The following PTPRD variants were observed in gnomAD, a reference collection of about 807,000 sequenced individuals.
PTPRD encodes the protein receptor-type tyrosine-protein phosphatase delta.
In PTPRD, 34 loss-of-function variants were observed where a neutral mutation model predicts 214.5. The observed-to-expected ratio is 0.16, with a 90% CI of 0.12 to 0.21. The LOEUF (loss-of-function observed/expected upper bound fraction) is 0.21. Ranked by LOEUF, PTPRD falls within the 10% of genes least tolerant of loss-of-function variation. PTPRD has a pLI of 1.00. For synonymous variants in PTPRD, 1,128 were observed against 845.7 expected, an observed-to-expected ratio of 1.33 and a Z score of -5.79; for missense variants, 2,545 against 2,398.7, an observed-to-expected ratio of 1.06 and a Z score of -1.27.
chr9:10,330,295 G>C (rs1464861796), intron 3 of PTPRD, among the ~76,000 whole-genome samples: 1 of 151,616 alleles, frequency 6.6e-6, no homozygotes, highest in African/African-American at 2.4e-5. Context: ...TGCTGTTAGA[G>C]GAAAAATAAT....
chr9:9,179,581 C>T (rs990760285), intron 10 of PTPRD, among the ~76,000 whole-genome samples: 1 of 152,078 alleles, frequency 6.6e-6, no homozygotes, highest in Non-Finnish European at 1.5e-5. Context: ...ATTGATTAAG[C>T]ATCTATGGTT....
In PTPRD at chr9:9,820,952, C is replaced by T. The variant is rs186167608; in HGVS notation, c.-367-54101G>A. On this transcript the variant is annotated intron_variant, in intron 5 of 45. Coordinates refer to ENST00000381196, the MANE Select transcript of PTPRD (RefSeq NM_002839.4). ...TCCTTGTTCTTTTTGTTCAGGATTG[C>T]TTTGGCTATTTTTTGGTTCCATATG... Among the ~76,000 whole-genome samples the T allele has an allele frequency of 4.6e-5, 7 of 151,728 alleles. No homozygotes were observed. In the East Asian group the frequency reaches 1.4e-3, roughly 29 times the overall value.
chr9:9,387,762 A>G (rs1226087212), intron 9 of PTPRD, among the ~76,000 whole-genome samples: 1 of 152,020 alleles, frequency 6.6e-6, no homozygotes, highest in Non-Finnish European at 1.5e-5. Context: ...TCAGCTCCCC[A>G]CTGCTCAATC....
At chr9:8,934,588 C>G (rs972328284) in intron 11 of PTPRD, among the ~76,000 whole-genome samples, 1 of 139,366 alleles carries the variant, frequency 7.2e-6, no homozygotes, top group Non-Finnish European at 1.5e-5. Context: ...CAGCATCAAG[C>G]TAATTAATAT....
chr9:9,756,698 C>T (rs1462026664), intron 6 of PTPRD, among the ~76,000 whole-genome samples: 2 of 152,088 alleles, frequency 1.3e-5, no homozygotes, highest in African/African-American at 4.8e-5. Flanking sequence ...CTGCATTGTT[C>T]ACTTTAACAT....
At chr9:8,985,309 A>G (rs2099335500) in intron 11 of PTPRD, among the ~76,000 whole-genome samples, 1 of 152,084 alleles carries the variant, frequency 6.6e-6, no homozygotes, top group Admixed American at 6.6e-5. Flanking sequence ...TTTATTCAAT[A>G]TAAAAATTTT....
intron 5 of PTPRD, among the ~76,000 whole-genome samples, chr9:9,855,878 T>G (rs1159107551): frequency 6.6e-6 from 1 of 152,194 alleles, no homozygotes; most frequent in Non-Finnish European, 1.5e-5. Context: ...AGCAGCTCAG[T>G]GGGTCATCTG....
At chr9:9,317,999 G>A (rs769503987) in intron 9 of PTPRD, among the ~76,000 whole-genome samples, 11 of 151,862 alleles carry the variant, frequency 7.2e-5, no homozygotes, top group South Asian at 2.1e-4. Context: ...TGGAGAAACC[G>A]TGTCTCTACT....
rs2154431843 is a variant in PTPRD, at chr9:9,091,361, A to T, written c.-142-72626T>A. The T allele has an allele frequency of 5.7e-6, 4 of 704,890 alleles. No homozygotes were observed. The East Asian group carries it at 1.1e-4, about 19-fold the overall frequency. The allele number at this position is 704,890 out of a possible 1,614,324, so 43.7% of individuals were successfully genotyped here. A position where few individuals can be genotyped will look rare whatever the true frequency, so the allele number is the denominator to read the frequency against. ...GCTGCGTATTTTTCTGGAACTGTACATTTCTGTAAATCTCCAATCACCTTA... is the reference window on the plus strand; with the variant it reads ...GCTGCGTATTTTTCTGGAACTGTACTTTTCTGTAAATCTCCAATCACCTTA... On this transcript the variant is annotated intron_variant, in intron 10 of 45. Coordinates refer to ENST00000381196, the MANE Select transcript of PTPRD (RefSeq NM_002839.4).
intron 2 of PTPRD, among the ~76,000 whole-genome samples, chr9:10,467,489 C>T (rs1771006181): frequency 6.6e-6 from 1 of 152,114 alleles, no homozygotes; most frequent in Non-Finnish European, 1.5e-5. Context: ...AAATGAATAA[C>T]AGATTTTAAT....
intron 3 of PTPRD, among the ~76,000 whole-genome samples, chr9:10,049,410 AG>A (rs373833520): frequency 0.11 from 14,085 of 132,510 alleles, 1,140 homozygotes; most frequent in African/African-American, 0.23. Context: ...AAAAAAAAAA[AG>A]AAAGAAAGAA....
intron 8 of PTPRD, among the ~76,000 whole-genome samples, chr9:9,551,355 G>T (rs1177374588): frequency 6.6e-6 from 1 of 151,906 alleles, no homozygotes; most frequent in African/African-American, 2.4e-5. Flanking sequence ...ATTCCCTAAA[G>T]GTGAATAATT....
chr9:8,632,990 C>G (rs2096299960), intron 14 of PTPRD, among the ~76,000 whole-genome samples: 1 of 151,868 alleles, frequency 6.6e-6, no homozygotes, highest in Non-Finnish European at 1.5e-5. Context: ...TATGAAAAAT[C>G]CATGCACGAG....
chr9:8,774,845 C>G (rs116363161), intron 11 of PTPRD, among the ~76,000 whole-genome samples: 6,420 of 152,062 alleles, frequency 0.042, 315 homozygotes, highest in African/African-American at 0.12. Context: ...TGAAAAGTAA[C>G]TTTAAAGGGA....
chr9:10,572,488 A>T (rs1445565516), intron 2 of PTPRD, among the ~76,000 whole-genome samples: 2 of 152,186 alleles, frequency 1.3e-5, no homozygotes. Flanking sequence ...CTATGAGGTA[A>T]AGTGGGACAA....
chr9:8,480,059 T>G (rs145025021), intron 30 of PTPRD, among the ~76,000 whole-genome samples: 8 of 152,334 alleles, frequency 5.3e-5, no homozygotes, highest in African/African-American at 1.2e-4. Flanking sequence ...TCTGAATCTA[T>G]TCTCTTACTA....
At chr9:9,346,186 A>C (rs1369291910) in intron 9 of PTPRD, among the ~76,000 whole-genome samples, 1 of 152,178 alleles carries the variant, frequency 6.6e-6, no homozygotes, top group African/African-American at 2.4e-5. Context: ...GAGATGCCTA[A>C]AGGAGTCTAG....
At chr9:8,935,675 G>A (rs942490222) in intron 11 of PTPRD, among the ~76,000 whole-genome samples, 6 of 152,190 alleles carry the variant, frequency 3.9e-5, no homozygotes, top group Non-Finnish European at 7.4e-5. Flanking sequence ...CTTCACTGGG[G>A]AAGGCCCCCC....
chr9:8,900,770 G>C (rs781339374), intron 11 of PTPRD, among the ~76,000 whole-genome samples: 9 of 152,128 alleles, frequency 5.9e-5, no homozygotes, highest in Admixed American at 5.9e-4. Flanking sequence ...TTAAATGTGG[G>C]GGAAAATGGT....
Sources: gnomAD v4.1 joint callset for allele counts (sites outside exome capture counted in the v4.1 genomes callset) on GRCh38, gnomAD v4.1.1 for gene constraint, MANE v1.5 for transcripts, NCBI Gene and HGNC (gene_info 2026-07-23, HGNC 2026-07-21) for gene names.